TTC39B: variants seen among roughly 807,000 people sequenced by gnomAD.
TTC39B encodes tetratricopeptide repeat protein 39B.
A neutral mutation model predicts 96.6 loss-of-function variants in TTC39B; 92 were observed. The observed-to-expected ratio is 0.95, with a 90% CI of 0.80 to 1.13. The LOEUF (loss-of-function observed/expected upper bound fraction) is 1.13. Among genes scored for constraint, TTC39B ranks in the 50% most tolerant of loss-of-function variants. The probability of loss-of-function intolerance (pLI) is 0.00; values close to 1 mark genes in which losing one functional copy is unlikely to be tolerated. For missense variants in TTC39B, 955 were observed against 809.3 expected (o/e 1.18, Z -2.18); for synonymous variants, 367 against 299.4 (o/e 1.23, Z -2.33).
At position 15,255,588 on chromosome 9, in the gene TTC39B, GA is replaced by G. The variant is rs112365728; in HGVS notation, c.275+12325del. Reference sequence around the variant, plus strand: ...GAAAAGGGAATGGATGAAGGCGTCAGAAAAAAAAAAAGGATGTCAGGTGAAA... The same window carrying G: ...GAAAAGGGAATGGATGAAGGCGTCAGAAAAAAAAAAGGATGTCAGGTGAAA... On this transcript the variant is annotated intron_variant, in intron 2 of 19. Coordinates refer to ENST00000512701, the Ensembl canonical transcript of TTC39B. 9.9e-3 allele frequency among the ~76,000 whole-genome samples: 1,410 copies of G among 141,728 alleles called. 15 individuals are homozygous for G. The highest frequency in any genetic ancestry group is 0.032 in the African/African-American group (1,242 of 39,010). 93.0% of individuals were successfully genotyped at this position (141,728 alleles called of 152,430 possible). A position where few individuals can be genotyped will look rare whatever the true frequency, so the allele number is the denominator to read the frequency against.
In TTC39B at chr9:15,202,317, A is replaced by G. The variant is rs1819586980; in HGVS notation, c.759+1506T>C. Among the ~76,000 whole-genome samples, 5 of 152,300 alleles carry G rather than the reference A, an allele frequency of 3.3e-5. No homozygotes were observed. In the South Asian group the frequency reaches 1.0e-3, roughly 32 times the overall value. On this transcript the variant is annotated intron_variant, in intron 7 of 19. Coordinates refer to ENST00000512701, the Ensembl canonical transcript of TTC39B. ...CCAGTCTTTGTAATGTCTGGGTTTT[A>G]GGAAACAGGGTCATGGGCTACAGTG...
intron 11 of TTC39B, 40 bp from the exon 12 acceptor site, chr9:15,189,832 A>G (rs376568277): frequency 5.7e-6 from 8 of 1,407,602 alleles, no homozygotes; most frequent in East Asian, 2.4e-5. Context: ...TTCATAAGAC[A>G]TGGGGATATT....
chr9:15,272,449 A>G (rs141889410), intron 1 of TTC39B, among the ~76,000 whole-genome samples: 73 of 152,232 alleles, frequency 4.8e-4, no homozygotes, highest in African/African-American at 1.7e-3. Flanking sequence ...AAGACAGGAG[A>G]GCTCACACTG....
intron 8 of TTC39B, among the ~76,000 whole-genome samples, chr9:15,196,975 C>G (rs1000160485): frequency 6.6e-6 from 1 of 152,170 alleles, no homozygotes; most frequent in Non-Finnish European, 1.5e-5. Context: ...AGACCTCCAC[C>G]AACAAAAAGA....
intron 10 of TTC39B, among the ~76,000 whole-genome samples, chr9:15,190,931 T>C (rs1818823406): frequency 6.6e-6 from 1 of 152,132 alleles, no homozygotes; most frequent in African/African-American, 2.4e-5. Flanking sequence ...TAATAAGATC[T>C]AGCAAGAAGC....
intron 2 of TTC39B, among the ~76,000 whole-genome samples, chr9:15,248,547 T>C (rs755140425): frequency 1.4e-4 from 22 of 152,218 alleles, no homozygotes; most frequent in Middle Eastern, 3.2e-3. Context: ...CAATATTTTG[T>C]TCAGCATCAT....
intron 2 of TTC39B, among the ~76,000 whole-genome samples, chr9:15,257,791 G>A (rs1038129176): frequency 6.6e-6 from 1 of 151,158 alleles, no homozygotes; most frequent in African/African-American, 2.4e-5. Context: ...CAGGCACGGT[G>A]GCTCACGCCT....
chr9:15,242,391 G>A (rs1215784636), intron 2 of TTC39B, among the ~76,000 whole-genome samples: 1 of 152,114 alleles, frequency 6.6e-6, no homozygotes, highest in Non-Finnish European at 1.5e-5. Context: ...AGACCAGCCT[G>A]GGCAACATAG....
At chr9:15,244,806 AG>A (rs1376011306) in intron 2 of TTC39B, among the ~76,000 whole-genome samples, 20 of 152,168 alleles carry the variant, frequency 1.3e-4, no homozygotes, top group African/African-American at 4.8e-4. Flanking sequence ...ACAGGTTTTC[AG>A]TGGGACACTG....
chr9:15,204,013 T>C, intron 6 of TTC39B, 123 bp from the exon 7 acceptor site: 2 of 761,138 alleles, frequency 2.6e-6, no homozygotes, highest in East Asian at 2.9e-5. Flanking sequence ...TAGATTGCCC[T>C]TGTGCTTCCA....
intron 2 of TTC39B, among the ~76,000 whole-genome samples, chr9:15,265,370 G>C (rs1216398183): frequency 3.3e-5 from 5 of 152,146 alleles, no homozygotes; most frequent in African/African-American, 1.2e-4. Context: ...TGTGAGGTCT[G>C]CACCCCTCTC....
intron 2 of TTC39B, among the ~76,000 whole-genome samples, chr9:15,228,036 C>A (rs1438827461): frequency 6.6e-6 from 1 of 152,008 alleles, no homozygotes; most frequent in Non-Finnish European, 1.5e-5. Flanking sequence ...TTTCCCTAAT[C>A]TTTTGCCATG....
exon 20 of TTC39B, chr9:15,167,434 T>C (rs1817550722): frequency 6.6e-6 from 1 of 151,946 alleles, no homozygotes; most frequent in Non-Finnish European, 1.5e-5. Flanking sequence ...AAGATTCCAC[T>C]AGATTTCTCA....
chr9:15,279,803 A>C (rs1231981562), intron 1 of TTC39B, among the ~76,000 whole-genome samples: 2 of 150,926 alleles, frequency 1.3e-5, no homozygotes, highest in Admixed American at 1.3e-4. Flanking sequence ...AGATCAGTCT[A>C]TTACTATTGG....
intron 1 of TTC39B, among the ~76,000 whole-genome samples, chr9:15,274,037 T>C (rs1372994685): frequency 6.6e-6 from 1 of 152,204 alleles, no homozygotes; most frequent in East Asian, 1.9e-4. Context: ...CCTGGAGGAT[T>C]CCTCAAATAT....
At chr9:15,235,173 C>A (rs527956835) in intron 2 of TTC39B, among the ~76,000 whole-genome samples, 1 of 151,954 alleles carries the variant, frequency 6.6e-6, no homozygotes, top group Non-Finnish European at 1.5e-5. Flanking sequence ...TATTTCAGAG[C>A]TTAAAGACCT....
chr9:15,306,826 T>C lies in TTC39B; in HGVS notation c.240+258A>G, dbSNP rs534709096. On this transcript the variant is annotated intron_variant, in intron 1 of 19. Coordinates refer to ENST00000512701, the Ensembl canonical transcript of TTC39B. This position sits in a 1 kb window ranked among gnomAD's most constrained non-coding sequence, Gnocchi z 5.1. The stretch of plus-strand genomic sequence containing the variant: ...CATCCAAGTGCTGGCAGGACGTGGG[T>C]CCTCCATCCCCACGACTCGCGGGGC... Among the ~76,000 whole-genome samples the C allele has an allele frequency of 6.6e-6, 1 of 152,134 alleles. No individual in the cohort carries two copies. The highest frequency in any genetic ancestry group is 6.5e-5 in the Admixed American group (1 of 15,284).
chr9:15,189,258 T>C (rs1818712839), intron 13 of TTC39B, among the ~76,000 whole-genome samples: 2 of 152,168 alleles, frequency 1.3e-5, no homozygotes. Context: ...AAAGTCAGTG[T>C]GTAATGCAGA....
intron 7 of TTC39B, 146 bp downstream of exon 7, chr9:15,203,677 G>T: frequency 1.6e-6 from 1 of 619,704 alleles, no homozygotes; most frequent in Non-Finnish European, 2.6e-6. Context: ...TCTTTTTTCA[G>T]CCAAAGTTTA....
Sources: gnomAD v4.1 joint callset for allele counts (sites outside exome capture counted in the v4.1 genomes callset) on GRCh38, gnomAD v4.1.1 for gene constraint, Gnocchi (gnomAD v3.1) non-coding constraint, MANE v1.5 for transcripts, NCBI Gene and HGNC (gene_info 2026-07-23, HGNC 2026-07-21) for gene names.